Variants in TYW1B observed in about 807,000 individuals in gnomAD.
The protein encoded by TYW1B is tRNA-yW synthesizing protein 1 homolog B, also known as S-adenosyl-L-methionine-dependent tRNA 4-demethylwyosine synthase TYW1B.
A neutral mutation model predicts 86.9 loss-of-function variants in TYW1B; 73 were observed. The observed-to-expected ratio is 0.84, with a 90% confidence interval of 0.70 to 1.02. The LOEUF (loss-of-function observed/expected upper bound fraction) is 1.02. Ranked by LOEUF, TYW1B falls within the 50% of genes least tolerant of loss-of-function variation. TYW1B has a pLI of 0.00. For synonymous variants in TYW1B, 248 were observed against 292.8 expected, an observed-to-expected ratio of 0.85 and a Z score of 1.56; for missense variants, 637 against 827.4, an observed-to-expected ratio of 0.77 and a Z score of 2.82.
At chr7:72,608,980 G>C (rs1554435400) in intron 13 of TYW1B, among the ~76,000 whole-genome samples, 1 of 152,134 alleles carries the variant, frequency 6.6e-6, no homozygotes, top group Non-Finnish European at 1.5e-5. Context: ...ATTTAAAATT[G>C]GTGAAATCTG....
At chr7:72,667,267 T>C (rs1813488003) in intron 11 of TYW1B, among the ~76,000 whole-genome samples, 1 of 152,148 alleles carries the variant, frequency 6.6e-6, no homozygotes, top group African/African-American at 2.4e-5. Flanking sequence ...TGACTGATTA[T>C]ATTTGGAGCT....
At position 72,611,960 on chromosome 7, in the gene TYW1B, T is replaced by C. The variant is rs3015915; in HGVS notation, c.1785+4712A>G. On this transcript the variant is annotated intron_variant, in intron 13 of 13. Coordinates refer to ENST00000620995, the MANE Select transcript of TYW1B (RefSeq NM_001145440.3). ...TTTATTAACTGCCTACTTCACTTCA[T>C]GTTCCCTTCTAAGTTCTTTCTTTCT... 7.1e-3 allele frequency among the ~76,000 whole-genome samples: 1,079 copies of C among 152,060 alleles called. 13 individuals are homozygous for C. The highest frequency in any genetic ancestry group is 0.024 in the African/African-American group (998 of 41,482).
intron 7 of TYW1B, among the ~76,000 whole-genome samples, chr7:72,771,564 T>C (rs1456310883): frequency 1.3e-5 from 2 of 152,086 alleles, no homozygotes; most frequent in African/African-American, 2.4e-5. Context: ...GTAATAGACA[T>C]ACTGAATAAA....
At chr7:72,764,971 T>G (rs1787746998) in intron 7 of TYW1B, among the ~76,000 whole-genome samples, 1 of 152,198 alleles carries the variant, frequency 6.6e-6, no homozygotes, top group Admixed American at 6.6e-5. Flanking sequence ...CCTCCCAAAA[T>G]TCACAAACGT....
At chr7:72,603,851 A>G (rs1202367368) in intron 13 of TYW1B, among the ~76,000 whole-genome samples, 11 of 152,204 alleles carry the variant, frequency 7.2e-5, no homozygotes, top group Non-Finnish European at 1.2e-4. Flanking sequence ...GTACCCCTCA[A>G]AGCTATCAAG....
chr7:72,669,072 T>C (rs1433303566), intron 11 of TYW1B, among the ~76,000 whole-genome samples: 1 of 151,590 alleles, frequency 6.6e-6, no homozygotes, highest in Non-Finnish European at 1.5e-5. Flanking sequence ...CTCCAAAATA[T>C]TGACAGTCAT....
At chr7:72,663,728 C>T (rs750012059) in intron 11 of TYW1B, among the ~76,000 whole-genome samples, 1 of 127,080 alleles carries the variant, frequency 7.9e-6, no homozygotes, top group Non-Finnish European at 1.6e-5. Context: ...CACGCCACTG[C>T]ACTCCAGCCT....
chr7:72,574,537 A>G lies in TYW1B; in HGVS notation c.*961T>C. On this transcript the variant is annotated 3_prime_UTR_variant, in exon 14 of 14. Transcript: ENST00000620995. ...GTCTTTACAAAATATTATTTTATTA[A>G]TTCAATTTTTGCATAAAAGACTGTT... 1 of 969,556 alleles carries G rather than the reference A, an allele frequency of 1.0e-6. No individual in the cohort carries two copies. Among genetic ancestry groups the G allele is most frequent in the Non-Finnish European group, 1.2e-6 (1 of 815,434 alleles). The allele number at this position is 969,556 out of a possible 1,614,324, so 60.1% of individuals were successfully genotyped here.
chr7:72,588,343 T>C (rs148919037), intron 13 of TYW1B, among the ~76,000 whole-genome samples: 5 of 152,378 alleles, frequency 3.3e-5, no homozygotes, highest in African/African-American at 1.2e-4. Flanking sequence ...TTTCCTCTGA[T>C]ACTTCTCTAA....
At chr7:72,743,881 G>C (rs1436703996) in intron 8 of TYW1B, among the ~76,000 whole-genome samples, 1 of 151,440 alleles carries the variant, frequency 6.6e-6, no homozygotes, top group Non-Finnish European at 1.5e-5. Context: ...AAAAGAAATG[G>C]GTTAGTAGCA....
intron 11 of TYW1B, among the ~76,000 whole-genome samples, chr7:72,662,254 T>A (rs1201008479): frequency 6.6e-6 from 1 of 152,328 alleles, no homozygotes; most frequent in Non-Finnish European, 1.5e-5. Context: ...AATCTTTAAA[T>A]AGTTAGCTTT....
chr7:72,626,259 C>T (rs537576376), intron 12 of TYW1B, among the ~76,000 whole-genome samples: 6 of 149,132 alleles, frequency 4.0e-5, no homozygotes, highest in African/African-American at 1.2e-4. Flanking sequence ...GCTAAACTCA[C>T]CAAAAGACAG....
chr7:72,606,412 C>T lies in TYW1B; in HGVS notation c.1785+10260G>A, dbSNP rs143040602. On this transcript the variant is annotated intron_variant, in intron 13 of 13. Transcript: ENST00000620995. ...CCCCTCTTGACTCCTACTACCAGGG[C>T]GGTATCAGAGAAGGTGAGTGGGGAA... Among the ~76,000 whole-genome samples, 814 of 152,184 alleles carry T rather than the reference C, an allele frequency of 5.3e-3. 2 individuals carry two copies. Among genetic ancestry groups the T allele is most frequent in the Non-Finnish European group, 8.8e-3 (598 of 67,996 alleles).
chr7:72,652,031 C>T (rs1813071046), intron 11 of TYW1B, among the ~76,000 whole-genome samples: 1 of 152,094 alleles, frequency 6.6e-6, no homozygotes, highest in African/African-American at 2.4e-5. Context: ...GATTCGCCCA[C>T]CTCAGCCTCC....
chr7:72,681,466 TGGGAG>T (rs1813873006), intron 11 of TYW1B, among the ~76,000 whole-genome samples: 1 of 151,766 alleles, frequency 6.6e-6, no homozygotes, highest in South Asian at 2.1e-4. Context: ...ATGCAGACTG[TGGGAG>T]GGGAGGGAAG....
rs1445760331 is a variant in TYW1B, at chr7:72,698,068, T to C, written c.1371-3246A>G. ...TTGGGATAAAAAAAAATAAGCAGAG[T>C]GACCCAAACAAGCAATGATATTAAA... On this transcript the variant is annotated intron_variant, in intron 10 of 13. Transcript: ENST00000620995. The C allele has an allele frequency of 2.6e-5, 4 of 152,320 alleles. 1 individual carries two copies. In the South Asian group the frequency reaches 8.2e-4, roughly 31 times the overall value. The allele number at this position is 152,320 out of a possible 1,614,324, so 9.4% of individuals were successfully genotyped here. A position where few individuals can be genotyped will look rare whatever the true frequency, so the allele number is the denominator to read the frequency against.
At chr7:72,727,831 A>AAT (rs782674421) in intron 9 of TYW1B, among the ~76,000 whole-genome samples, 2 of 104,252 alleles carry the variant, frequency 1.9e-5, no homozygotes. Context: ...AAAAAAAAAA[A>AAT]AAGAAGAAAG....
chr7:72,661,394 A>G (rs1813327313), intron 11 of TYW1B, among the ~76,000 whole-genome samples: 1 of 151,876 alleles, frequency 6.6e-6, no homozygotes, highest in African/African-American at 2.4e-5. Flanking sequence ...CAGCTCAGTC[A>G]TGGGTCAGAC....
At chr7:72,729,194 C>T (rs1328182224) in intron 8 of TYW1B, among the ~76,000 whole-genome samples, 2 of 152,190 alleles carry the variant, frequency 1.3e-5, no homozygotes, top group South Asian at 2.1e-4. Flanking sequence ...TGACAGAACA[C>T]TCTCTGCTGC....
Sources: gnomAD v4.1 joint callset for allele counts (sites outside exome capture counted in the v4.1 genomes callset) on GRCh38, gnomAD v4.1.1 for gene constraint, MANE v1.5 for transcripts, NCBI Gene and HGNC (gene_info 2026-07-23, HGNC 2026-07-21) for gene names.